The following PCDHGB3 variants were observed in gnomAD, a reference collection of about 807,000 sequenced individuals.
The protein encoded by PCDHGB3 is protocadherin gamma-B3.
PCDHGB3 carries 40 observed loss-of-function variants against 59.2 expected under a neutral mutation model. The observed-to-expected ratio is 0.68, with a 90% confidence interval of 0.52 to 0.88. The LOEUF is 0.88. PCDHGB3 is among the 40% of genes least tolerant of loss of function. PCDHGB3 has a pLI of 0.00. For synonymous variants in PCDHGB3, 581 were observed against 503.6 expected, an observed-to-expected ratio of 1.15 and a Z score of -2.06; for missense variants, 1,309 against 1,187.9, an observed-to-expected ratio of 1.10 and a Z score of -1.50.
intron 1 of PCDHGB3, among the ~76,000 whole-genome samples, chr5:141,483,466 A>C (rs1212605130): frequency 6.6e-6 from 1 of 152,188 alleles, no homozygotes. Context: ...GTTGATTGAC[A>C]TGATATAGGA....
chr5:141,400,713 T>G (rs1225008709), intron 1 of PCDHGB3: 1 of 686,914 alleles, frequency 1.5e-6, no homozygotes, highest in Admixed American at 3.0e-5. Flanking sequence ...GAAGTAGCCT[T>G]ATAGATTTAC....
At chr5:141,423,742 A>C in intron 1 of PCDHGB3, 1 of 514,328 alleles carries the variant, frequency 1.9e-6, no homozygotes, top group Non-Finnish European at 2.4e-6. Context: ...CCTGTTATGA[A>C]AACTGTTTGG....
chr5:141,491,253 T>C lies in PCDHGB3; in HGVS notation c.2416-3554T>C, dbSNP rs71583648. The C allele has an allele frequency of 2.3e-3, 3,639 of 1,614,176 alleles. 33 individuals carry two copies. The African/African-American group carries it at 0.026, about 11-fold the overall frequency. Reference sequence around the variant, plus strand: ...TGCTGGTTCTGGAGGATGAGGACCCTGAGGAAATGCCCAAATCCAGTGACT... The same window carrying C: ...TGCTGGTTCTGGAGGATGAGGACCCCGAGGAAATGCCCAAATCCAGTGACT... On this transcript the variant is annotated intron_variant, in intron 1 of 3. Coordinates refer to ENST00000576222, the MANE Select transcript of PCDHGB3 (RefSeq NM_018924.5). This position sits in a 1 kb window ranked among gnomAD's most constrained non-coding sequence, Gnocchi z 6.9.
chr5:141,415,744 T>TG (rs2095925177), intron 1 of PCDHGB3: 4 of 404,428 alleles, frequency 9.9e-6, no homozygotes, highest in Admixed American at 2.1e-4. Flanking sequence ...ATTAAGGTTT[T>TG]TTTTTTTTTT....
intron 1 of PCDHGB3, chr5:141,395,501 A>T: frequency 2.1e-6 from 1 of 467,130 alleles, no homozygotes; most frequent in African/African-American, 2.0e-5. Context: ...TCATTCACTT[A>T]AGAAGTAGCT....
At chr5:141,439,215 G>A (rs1319217047) in intron 1 of PCDHGB3, among the ~76,000 whole-genome samples, 2 of 151,488 alleles carry the variant, frequency 1.3e-5, no homozygotes, top group African/African-American at 4.9e-5. Flanking sequence ...ATCCATATGT[G>A]AAAATTCTTA....
At chr5:141,447,244 A>G (rs1475037979) in intron 1 of PCDHGB3, among the ~76,000 whole-genome samples, 1 of 152,062 alleles carries the variant, frequency 6.6e-6, no homozygotes, top group South Asian at 2.1e-4. Flanking sequence ...GGTTCAAGTG[A>G]TTCTTCTGTC....
chr5:141,481,207 C>T (rs1287298617), intron 1 of PCDHGB3, among the ~76,000 whole-genome samples: 3 of 152,154 alleles, frequency 2.0e-5, no homozygotes, highest in Non-Finnish European at 1.5e-5. Flanking sequence ...TTTTAAAAAA[C>T]ATGGTAAGGT....
At chr5:141,423,529 C>T in intron 1 of PCDHGB3, 1 of 1,613,754 alleles carries the variant, frequency 6.2e-7, no homozygotes, top group South Asian at 1.1e-5. Flanking sequence ...GCAGAAGAGT[C>T]ACCTGATTTT....
chr5:141,389,215 A>G (rs2150378532), intron 1 of PCDHGB3: 1 of 1,614,010 alleles, frequency 6.2e-7, no homozygotes, highest in Non-Finnish European at 8.5e-7. Flanking sequence ...GGTGATGTAA[A>G]TGACAACGCT....
chr5:141,388,356 C>T (rs756910714), intron 1 of PCDHGB3: 1 of 1,613,826 alleles, frequency 6.2e-7, no homozygotes. Flanking sequence ...AGGATCTGCC[C>T]ATGATGCGGA....
At chr5:141,403,403 C>T in intron 1 of PCDHGB3, 5 of 1,614,066 alleles carry the variant, frequency 3.1e-6, no homozygotes, top group Non-Finnish European at 4.2e-6. Context: ...TCCTGGAGCA[C>T]GTTATCCACT....
chr5:141,421,402 G>A (rs2096569907), intron 1 of PCDHGB3: 1 of 1,614,076 alleles, frequency 6.2e-7, no homozygotes, highest in Non-Finnish European at 8.5e-7. Context: ...GGAGCCCCGG[G>A]AGCTGGCGAA....
At chr5:141,410,319 C>A in intron 1 of PCDHGB3, 2 of 1,614,018 alleles carry the variant, frequency 1.2e-6, no homozygotes, top group Admixed American at 1.7e-5. Flanking sequence ...TTCCTCCTCG[C>A]CGTGATTCTG....
intron 1 of PCDHGB3, among the ~76,000 whole-genome samples, chr5:141,460,764 G>A (rs2098996981): frequency 6.6e-6 from 1 of 150,516 alleles, no homozygotes; most frequent in Admixed American, 6.7e-5. Flanking sequence ...TATACATATT[G>A]CATATGTATG....
chr5:141,443,274 A>G (rs1259320198), intron 1 of PCDHGB3, among the ~76,000 whole-genome samples: 12 of 151,534 alleles, frequency 7.9e-5, no homozygotes, highest in African/African-American at 1.7e-4. Context: ...TGAGCCCAGG[A>G]GTTTGAGACC....
In PCDHGB3 at chr5:141,371,048, C is replaced by T. The variant is rs1458695026; in HGVS notation, c.654C>T (p.Gly218=). 2.5e-6 allele frequency: 4 copies of T among 1,613,772 alleles called. No homozygotes were observed. In the Admixed American group the frequency reaches 6.7e-5, roughly 27 times the overall value. The change falls in exon 1 of 4, where the codon GGC becomes GGT. Residue 218 remains glycine (G), a synonymous_variant. Coordinates refer to ENST00000576222, the MANE Select transcript of PCDHGB3 (RefSeq NM_018924.5). ...HHLVLTAVDG[G]EPSRSCTTQI... ...TGGTCCTCACAGCTGTGGATGGGGG[C>T]GAGCCCTCCAGAAGCTGTACCACCC...
chr5:141,403,632 G>A (rs759489331), intron 1 of PCDHGB3: 2 of 1,613,916 alleles, frequency 1.2e-6, no homozygotes, highest in Admixed American at 1.7e-5. Context: ...AGCACAGTGC[G>A]CATCCATGTG....
chr5:141,488,210 A>G (rs2099673009), intron 1 of PCDHGB3, among the ~76,000 whole-genome samples: 1 of 152,192 alleles, frequency 6.6e-6, no homozygotes, highest in Admixed American at 6.5e-5. Context: ...ACTCATATCA[A>G]GTCCCTACTG....
Sources: allele counts gnomAD v4.1 joint callset (sites outside exome capture counted in the v4.1 genomes callset), GRCh38; gene constraint gnomAD v4.1.1; non-coding constraint Gnocchi (gnomAD v3.1); transcripts MANE v1.5; gene names NCBI Gene and HGNC (gene_info 2026-07-23, HGNC 2026-07-21).